Variants in NALCN observed in about 807,000 individuals in gnomAD.
The protein encoded by NALCN is sodium leak channel NALCN.
Under a neutral mutation model 225.3 loss-of-function variants are expected in NALCN, and 111 were observed. The observed-to-expected ratio is 0.49, with a 90% CI of 0.42 to 0.58. The LOEUF (loss-of-function observed/expected upper bound fraction) is 0.58, where lower values mean the gene tolerates loss of function less well. NALCN is among the 20% of genes least tolerant of loss of function. The probability of loss-of-function intolerance (pLI) is 0.00; values close to 1 mark genes in which losing one functional copy is unlikely to be tolerated. For missense variants in NALCN, 1,378 were observed against 2,202.4 expected (o/e 0.63, Z 7.49); for synonymous variants, 764 against 769.0 (o/e 0.99, Z 0.11).
intron 14 of NALCN, among the ~76,000 whole-genome samples, chr13:101,179,424 G>A (rs1246511409): frequency 6.6e-6 from 1 of 152,046 alleles, no homozygotes; most frequent in Non-Finnish European, 1.5e-5. Context: ...TAAATTTCTT[G>A]GTTTTTCTAC....
At chr13:101,397,115 C>A (rs78476806) in intron 2 of NALCN, among the ~76,000 whole-genome samples, 2 of 48,312 alleles carry the variant, frequency 4.1e-5, no homozygotes, top group Non-Finnish European at 6.5e-5. Context: ...TATATACATA[C>A]ACATACATAT....
At chr13:101,301,644 C>T (rs1004043949) in intron 7 of NALCN, among the ~76,000 whole-genome samples, 1 of 151,290 alleles carries the variant, frequency 6.6e-6, no homozygotes, top group Non-Finnish European at 1.5e-5. Flanking sequence ...TTGCTTGAAC[C>T]TGGGAGGCAG....
intron 7 of NALCN, among the ~76,000 whole-genome samples, chr13:101,316,560 C>A (rs2044560171): frequency 6.6e-6 from 1 of 152,176 alleles, no homozygotes; most frequent in African/African-American, 2.4e-5. Context: ...TGAGGTCCAG[C>A]AAAGAAAGTT....
At chr13:101,114,783 G>A (rs1551212) in intron 18 of NALCN, among the ~76,000 whole-genome samples, 42,220 of 152,052 alleles carry the variant, frequency 0.28, 6,545 homozygotes, top group East Asian at 0.35. Context: ...TCACGAATGC[G>A]GTTATTATCA....
chr13:101,175,564 A>C (rs2038926348), intron 15 of NALCN, among the ~76,000 whole-genome samples: 1 of 152,138 alleles, frequency 6.6e-6, no homozygotes, highest in Non-Finnish European at 1.5e-5. Context: ...CATCTCAACT[A>C]TTCTCTCAGT....
At chr13:101,349,358 A>G (rs1345196362) in intron 6 of NALCN, among the ~76,000 whole-genome samples, 2 of 152,180 alleles carry the variant, frequency 1.3e-5, no homozygotes, top group African/African-American at 4.8e-5. Context: ...TAGAGAAAAT[A>G]CTGGTCCCCT....
chr13:101,358,194 A>T (rs2046119101), intron 6 of NALCN, among the ~76,000 whole-genome samples: 1 of 152,158 alleles, frequency 6.6e-6, no homozygotes, highest in Non-Finnish European at 1.5e-5. Context: ...GATCTAATTA[A>T]ACTAGAAGTA....
intron 27 of NALCN, 24 bp downstream of exon 27, chr13:101,100,760 A>T (rs751885925): frequency 8.3e-6 from 13 of 1,575,526 alleles, no homozygotes; most frequent in Non-Finnish European, 1.1e-5. Context: ...TTTTTATTTC[A>T]AAAGACAGAA....
rs187473916 is a variant in NALCN, at chr13:101,277,582, T to C, written c.1134+6351A>G. ...ATTTAACACATCGGAATAACTTTTT[T>C]CTTAAAATACTAGGTTCATTTCTCA... On this transcript the variant is annotated intron_variant, in intron 10 of 43. Coordinates refer to ENST00000251127, the MANE Select transcript of NALCN (RefSeq NM_052867.4). Among the ~76,000 whole-genome samples the C allele has an allele frequency of 4.3e-3, 655 of 152,306 alleles. 7 individuals are homozygous for C. Among genetic ancestry groups the C allele is most frequent in the Non-Finnish European group, 6.9e-3 (472 of 68,028 alleles).
At chr13:101,069,680 G>C (rs555196759) in intron 37 of NALCN, among the ~76,000 whole-genome samples, 5 of 152,176 alleles carry the variant, frequency 3.3e-5, no homozygotes, top group Non-Finnish European at 7.4e-5. Context: ...AACTTCTTTC[G>C]AATTTGGAGT....
At chr13:101,097,225 G>A (rs551333060) in intron 27 of NALCN, among the ~76,000 whole-genome samples, 1 of 152,226 alleles carries the variant, frequency 6.6e-6, no homozygotes, top group South Asian at 2.1e-4. Context: ...ACCCACAATT[G>A]CCACAGACAA....
chr13:101,230,337 G>C lies in NALCN; in HGVS notation c.1435-753C>G, dbSNP rs2041295936. Among the ~76,000 whole-genome samples the C allele has an allele frequency of 4.6e-5, 7 of 152,146 alleles. No individual in the cohort carries two copies. In the South Asian group the frequency reaches 1.5e-3, roughly 32 times the overall value. ...GAAATGGAAAGAGAAGCAAACTTTT[G>C]CCAAGAATCTTTACTTCTTATTGAG... On this transcript the variant is annotated intron_variant, in intron 12 of 43. Transcript: ENST00000251127.
At position 101,065,548 on chromosome 13, in the gene NALCN, G is replaced by A. The variant is rs2032306374; in HGVS notation, c.4460C>T (p.Thr1487Met). The change falls in exon 40 of 44, where the codon ACG (threonine) becomes ATG (methionine). Residue 1487 changes from threonine to methionine, a missense_variant. Thr to Met is a moderately conservative substitution (Grantham distance 81). Coordinates refer to ENST00000251127, the MANE Select transcript of NALCN (RefSeq NM_052867.4). ...CCGCAGCAGGAACTTGACGCGGAAC[G>A]TGGGGATCACCCCCTGCGGGGCAGA... The part of the protein sequence containing the change: ...VDDKREGVIP[T>M]FRVKFLLRLL... 1.2e-6 allele frequency: 2 copies of A among 1,613,844 alleles called. No homozygotes were observed. The highest frequency in any genetic ancestry group is 1.3e-5 in the African/African-American group (1 of 74,912).
intron 15 of NALCN, among the ~76,000 whole-genome samples, chr13:101,166,180 T>C (rs1021020363): frequency 6.6e-6 from 1 of 152,250 alleles, no homozygotes; most frequent in African/African-American, 2.4e-5. Context: ...CCACCTTCTG[T>C]TATTGTGAAA....
intron 7 of NALCN, among the ~76,000 whole-genome samples, chr13:101,336,096 A>C (rs2045369523): frequency 6.6e-6 from 1 of 152,190 alleles, no homozygotes; most frequent in Admixed American, 6.5e-5. Flanking sequence ...AAGTTATTTC[A>C]AAGTCAAGCA....
At chr13:101,306,037 A>G (rs2044142992) in intron 7 of NALCN, among the ~76,000 whole-genome samples, 1 of 152,174 alleles carries the variant, frequency 6.6e-6, no homozygotes, top group South Asian at 2.1e-4. Context: ...AGCCACAATT[A>G]TAGAGGTCAG....
chr13:101,354,272 G>C (rs2045986572), intron 6 of NALCN, among the ~76,000 whole-genome samples: 1 of 152,156 alleles, frequency 6.6e-6, no homozygotes, highest in South Asian at 2.1e-4. Context: ...GAACCCAGCG[G>C]GTAGAGGTTG....
At chr13:101,360,162 TTC>T (rs1459487828) in intron 6 of NALCN, among the ~76,000 whole-genome samples, 32 of 124,048 alleles carry the variant, frequency 2.6e-4, no homozygotes, top group African/African-American at 1.0e-3. Flanking sequence ...CTTTCTTTCT[TTC>T]TCTTTCTTCC....
At chr13:101,216,594 C>T (rs2040742385) in intron 13 of NALCN, among the ~76,000 whole-genome samples, 1 of 151,990 alleles carries the variant, frequency 6.6e-6, no homozygotes, top group South Asian at 2.1e-4. Flanking sequence ...AAGATTTCAG[C>T]AATATTAATT....
Sources: gnomAD v4.1 joint callset for allele counts (sites outside exome capture counted in the v4.1 genomes callset) on GRCh38, gnomAD v4.1.1 for gene constraint, MANE v1.5 for transcripts, NCBI Gene and HGNC (gene_info 2026-07-23, HGNC 2026-07-21) for gene names.